Variants in SLC4A7 observed in about 807,000 individuals in gnomAD.
SLC4A7 encodes the protein sodium bicarbonate cotransporter 3.
Under a neutral mutation model 137.6 loss-of-function variants are expected in SLC4A7, and 51 were observed. That is an observed-to-expected ratio of 0.37 (90% confidence interval 0.30 to 0.47). The LOEUF is 0.47. Ranked by LOEUF, SLC4A7 falls within the 20% of genes least tolerant of loss-of-function variation. The pLI, the probability that SLC4A7 is intolerant of heterozygous loss-of-function variation, is 1.00. For missense variants in SLC4A7, 1,247 were observed against 1,525.4 expected, an observed-to-expected ratio of 0.82 and a Z score of 3.04; for synonymous variants, 542 against 518.6, an observed-to-expected ratio of 1.05 and a Z score of -0.61.
chr3:27,416,361 C>T (rs753521400), intron 11 of SLC4A7, among the ~76,000 whole-genome samples: 6 of 152,046 alleles, frequency 3.9e-5, no homozygotes, highest in Non-Finnish European at 8.8e-5. Flanking sequence ...TGCATCTTTA[C>T]TTTTATTTAC....
chr3:27,421,393 G>T (rs1389904520), intron 9 of SLC4A7, among the ~76,000 whole-genome samples: 1 of 152,034 alleles, frequency 6.6e-6, no homozygotes, highest in Non-Finnish European at 1.5e-5. Context: ...CTACTAGGGA[G>T]GCTAAGGCAG....
intron 11 of SLC4A7, 77 bp downstream of exon 11, chr3:27,418,409 G>T: frequency 8.2e-7 from 1 of 1,217,634 alleles, no homozygotes; most frequent in Non-Finnish European, 1.2e-6. Flanking sequence ...CTCTGTTTTG[G>T]TTTTTGAATC....
intron 3 of SLC4A7, 116 bp from the exon 4 acceptor site, chr3:27,437,642 C>A: frequency 4.4e-6 from 2 of 458,380 alleles, no homozygotes; most frequent in Non-Finnish European, 7.1e-6. Context: ...TATATTTCAT[C>A]AAAACTCTCT....
intron 13 of SLC4A7, among the ~76,000 whole-genome samples, chr3:27,406,418 A>G (rs1240383872): frequency 5.3e-5 from 8 of 152,232 alleles, no homozygotes; most frequent in Non-Finnish European, 8.8e-5. Context: ...ATTAGAATAA[A>G]AACAGGATCA....
chr3:27,442,663 C>T (rs149812941), intron 3 of SLC4A7, among the ~76,000 whole-genome samples: 23 of 152,170 alleles, frequency 1.5e-4, no homozygotes, highest in African/African-American at 4.8e-4. Flanking sequence ...AGCCCATCTT[C>T]GCCTCCCAAA....
intron 9 of SLC4A7, among the ~76,000 whole-genome samples, chr3:27,421,235 C>G (rs113436896): frequency 0.011 from 1,620 of 152,152 alleles, 10 homozygotes; most frequent in South Asian, 0.02. Context: ...CACAGTGGCT[C>G]ACGTCTGTAA....
rs574452437 is a variant in SLC4A7 at position 27,448,733 on chromosome 3, C to G, written c.207G>C (p.Arg69Ser). 17 of 1,612,722 alleles carry G rather than the reference C, an allele frequency of 1.1e-5. No individual in the cohort carries two copies. The highest frequency in any genetic ancestry group is 5.5e-5 in the South Asian group (5 of 91,012). The change falls in exon 3 of 26, where the codon AGG becomes AGC. Residue 69 changes from arginine to serine, a missense_variant. Arg to Ser is a moderately radical substitution (Grantham distance 110, BLOSUM62 -1). This residue lies in a region of SLC4A7 where 176 missense variants were observed against 186.4 expected (regional missense o/e 0.94). Coordinates refer to ENST00000454389, the MANE Select transcript of SLC4A7 (RefSeq NM_001321103.2). ...GGTGGTGATGTTTGTGTCCGCGATG[C>G]CTATGACGCCGACGACTCTCTTTAC... ...PFSKESRRRH[R>S]HRGHKHHHRR...
chr3:27,431,968 A>C (rs1039746493), intron 6 of SLC4A7, among the ~76,000 whole-genome samples: 2 of 152,238 alleles, frequency 1.3e-5, no homozygotes, highest in African/African-American at 2.4e-5. Flanking sequence ...AAAAAGGACA[A>C]TATCAATACA....
At chr3:27,421,532 C>A (rs754416570) in intron 9 of SLC4A7, 90 bp downstream of exon 9, 79 of 983,814 alleles carry the variant, frequency 8.0e-5, no homozygotes, top group Non-Finnish European at 1.1e-4. Context: ...GCTTTTATTA[C>A]ATAAATCAAC....
At chr3:27,429,502 A>G (rs2056043263) in intron 7 of SLC4A7, among the ~76,000 whole-genome samples, 1 of 152,152 alleles carries the variant, frequency 6.6e-6, no homozygotes, top group African/African-American at 2.4e-5. Context: ...GAGAACTTCA[A>G]TCTTCTCAAA....
intron 13 of SLC4A7, among the ~76,000 whole-genome samples, chr3:27,407,873 T>C (rs1279326782): frequency 3.3e-5 from 5 of 152,176 alleles, no homozygotes; most frequent in African/African-American, 1.2e-4. Context: ...CCTTCACTCC[T>C]ATATAAACGA....
chr3:27,440,503 G>A (rs980448775), intron 3 of SLC4A7, among the ~76,000 whole-genome samples: 2 of 152,142 alleles, frequency 1.3e-5, no homozygotes, highest in Non-Finnish European at 1.5e-5. Flanking sequence ...CGAGGCAGGT[G>A]GATCACCTCA....
At chr3:27,469,696 T>A (rs2059156112) in intron 1 of SLC4A7, among the ~76,000 whole-genome samples, 1 of 151,994 alleles carries the variant, frequency 6.6e-6, no homozygotes, top group South Asian at 2.1e-4. Context: ...GAGGTTGCAG[T>A]GAGCCTAGAT....
At chr3:27,382,682 A>C (rs2050545074) in intron 24 of SLC4A7, among the ~76,000 whole-genome samples, 1 of 152,218 alleles carries the variant, frequency 6.6e-6, no homozygotes, top group African/African-American at 2.4e-5. Context: ...TAGGGCCTCT[A>C]AACATAGTTA....
chr3:27,447,369 T>C (rs1231405143), intron 3 of SLC4A7, among the ~76,000 whole-genome samples: 1 of 152,222 alleles, frequency 6.6e-6, no homozygotes, highest in East Asian at 1.9e-4. Flanking sequence ...GAATTTGCAC[T>C]TTAGATTTTA....
At chr3:27,483,706 C>T (rs2059816798) in intron 1 of SLC4A7, among the ~76,000 whole-genome samples, 1 of 152,172 alleles carries the variant, frequency 6.6e-6, no homozygotes, top group South Asian at 2.1e-4. Flanking sequence ...CGGGACCCCG[C>T]CTGGGGAGCG....
At position 27,383,144 on chromosome 3, in the gene SLC4A7, A is replaced by G. The variant is rs1262524668; in HGVS notation, c.3590+9T>C. 9.7e-6 allele frequency: 15 copies of G among 1,552,244 alleles called. No homozygotes were observed. Among genetic ancestry groups the G allele is most frequent in the Non-Finnish European group, 1.2e-5 (14 of 1,124,902 alleles). On this transcript the variant is annotated intron_variant, in intron 24 of 25. Coordinates refer to ENST00000454389, the MANE Select transcript of SLC4A7 (RefSeq NM_001321103.2). ...TATAAAAGTTTTAGAGCATAAAGTCATATCTCACCTATATTTTAGGGCCTT... is the reference window on the plus strand; with the variant it reads ...TATAAAAGTTTTAGAGCATAAAGTCGTATCTCACCTATATTTTAGGGCCTT...
chr3:27,422,101 G>A (rs543422113), intron 8 of SLC4A7, among the ~76,000 whole-genome samples: 1 of 151,982 alleles, frequency 6.6e-6, no homozygotes, highest in Non-Finnish European at 1.5e-5. Flanking sequence ...AACTAACAAT[G>A]GTTCATGAAA....
At chr3:27,417,284 T>G (rs1475042025) in intron 11 of SLC4A7, among the ~76,000 whole-genome samples, 1 of 152,120 alleles carries the variant, frequency 6.6e-6, no homozygotes, top group African/African-American at 2.4e-5. Context: ...AGAAAAAAGA[T>G]GAAGCTGGGT....
Sources: allele counts gnomAD v4.1 joint callset (sites outside exome capture counted in the v4.1 genomes callset), GRCh38; gene constraint gnomAD v4.1.1; regional missense constraint gnomAD v4.1.1; transcripts MANE v1.5; gene names NCBI Gene and HGNC (gene_info 2026-07-23, HGNC 2026-07-21).